The following MPP7 variants were observed in gnomAD, a reference collection of about 807,000 sequenced individuals.
MPP7 encodes MAGUK p55 subfamily member 7.
In MPP7, 60 loss-of-function variants were observed where a neutral mutation model predicts 76.5. The observed-to-expected ratio is 0.78, with a 90% CI of 0.64 to 0.97. The LOEUF (loss-of-function observed/expected upper bound fraction) is 0.97. MPP7 is among the 50% of genes least tolerant of loss of function. MPP7 has a pLI of 0.00. For synonymous variants in MPP7, 237 were observed against 244.5 expected, an observed-to-expected ratio of 0.97 and a Z score of 0.29; for missense variants, 641 against 694.0, an observed-to-expected ratio of 0.92 and a Z score of 0.86.
intron 12 of MPP7, among the ~76,000 whole-genome samples, chr10:28,076,617 G>A (rs1852495183): frequency 6.6e-6 from 1 of 152,136 alleles, no homozygotes; most frequent in South Asian, 2.1e-4. Context: ...GCCAGGCCCA[G>A]TGGCTCACGC....
At chr10:28,196,983 C>G (rs1392572213) in intron 3 of MPP7, among the ~76,000 whole-genome samples, 1 of 152,142 alleles carries the variant, frequency 6.6e-6, no homozygotes, top group Non-Finnish European at 1.5e-5. Context: ...TATTCAAGAA[C>G]AGGTCACTGT....
In MPP7 at chr10:28,052,608, T is replaced by G. The variant is rs1851399205; in HGVS notation, c.*1457A>C. On this transcript the variant is annotated 3_prime_UTR_variant, in exon 17 of 17. Coordinates refer to ENST00000683449, the MANE Select transcript of MPP7 (RefSeq NM_001318170.2). ...GAATGTTGACCATGATTTATAAAACTACTCTTTTAAATTAGGACATCTTGA... is the reference window on the plus strand; with the variant it reads ...GAATGTTGACCATGATTTATAAAACGACTCTTTTAAATTAGGACATCTTGA... 1 of 152,648 alleles carries G rather than the reference T, an allele frequency of 6.6e-6. No homozygotes were observed. The highest frequency in any genetic ancestry group is 6.5e-5 in the Admixed American group (1 of 15,286). 9.5% of individuals were successfully genotyped at this position (152,648 alleles called of 1,614,324 possible).
intron 2 of MPP7, among the ~76,000 whole-genome samples, chr10:28,313,988 G>A (rs1589046929): frequency 6.6e-6 from 1 of 150,986 alleles, no homozygotes; most frequent in African/African-American, 2.4e-5. Flanking sequence ...TTACAGGCAT[G>A]AGCCACTGTG....
intron 3 of MPP7, among the ~76,000 whole-genome samples, chr10:28,186,707 CAGAAATGCGGGTGAT>C (rs1170689965): frequency 6.6e-6 from 1 of 152,156 alleles, no homozygotes; most frequent in Non-Finnish European, 1.5e-5. Flanking sequence ...TAGCACAATC[CAGAAATGCGGGTGAT>C]AAAGGGAGAT....
chr10:28,105,109 G>A (rs541194212), intron 11 of MPP7, among the ~76,000 whole-genome samples: 4 of 130,342 alleles, frequency 3.1e-5, no homozygotes, highest in African/African-American at 1.2e-4. Flanking sequence ...AGCCAAGATC[G>A]CGCCACTGCA....
intron 1 of MPP7, among the ~76,000 whole-genome samples, chr10:28,287,007 A>T (rs545152925): frequency 5.8e-4 from 88 of 152,310 alleles, no homozygotes; most frequent in Non-Finnish European, 1.1e-3. Flanking sequence ...ATTTATGCCA[A>T]CCGTTTGATC....
intron 1 of MPP7, among the ~76,000 whole-genome samples, chr10:28,284,761 A>G (rs1053730016): frequency 3.3e-5 from 5 of 152,234 alleles, no homozygotes; most frequent in Non-Finnish European, 7.3e-5. Flanking sequence ...CACTTACTCT[A>G]TTATGAACCT....
At chr10:28,092,590 T>TTTTTTTTTTTG (rs1564626660) in intron 11 of MPP7, among the ~76,000 whole-genome samples, 3 of 149,524 alleles carry the variant, frequency 2.0e-5, no homozygotes, top group African/African-American at 2.5e-5. Flanking sequence ...TTTTTTTTTT[T>TTTTTTTTTTTG]GAGACAGGGA....
Position 28,089,732 on chromosome 10 carries a change from G to T in MPP7, c.1062C>A (p.Tyr354Ter), listed in dbSNP as rs377567939. 1 of 1,613,592 alleles carries T rather than the reference G, an allele frequency of 6.2e-7. No individual in the cohort carries two copies. Among genetic ancestry groups the T allele is most frequent in the Non-Finnish European group, 8.5e-7 (1 of 1,179,814 alleles). ...GTCGCCGATACGGTGTCACTTCTTC[G>T]TATGTGGGTACGTCAGCTGTGTCGT... ...DQYDTADVPT[Y>*]EEVTPYRRQT... The change falls in exon 12 of 17, where the codon TAC becomes TAA. Residue 354 changes from tyrosine (Y) to a stop codon, truncating the protein, a stop_gained. Transcript: ENST00000683449. LOFTEE classifies it high-confidence loss of function.
intron 2 of MPP7, among the ~76,000 whole-genome samples, chr10:28,316,435 TAAAAAAAAAAAAAAAAAAAA>T (rs549621404): frequency 1.3e-3 from 50 of 37,152 alleles, no homozygotes; most frequent in Middle Eastern, 0.025. Flanking sequence ...ACTCTGTCTT[TAAAAAAAAAAAAAAAAAAAA>T]AAAAAAAAAA....
rs57735759 is a variant in MPP7, at chr10:28,176,340, AAAAACAAAACAAAAC to A, written c.156+25798_156+25812del. 4.9e-3 allele frequency among the ~76,000 whole-genome samples: 740 copies of A among 151,014 alleles called. 8 individuals are homozygous for A. The highest frequency in any genetic ancestry group is 0.018 in the African/African-American group (721 of 40,942). On this transcript the variant is annotated intron_variant, in intron 3 of 16. Transcript: ENST00000683449. ...AATCAAAGCCCAGTGCAGTTGGGTC[AAAAACAAAACAAAAC>A]AAAACAAAACAAAACAAAACACAGG...
intron 11 of MPP7, among the ~76,000 whole-genome samples, chr10:28,100,102 G>T: frequency 7.1e-6 from 1 of 141,538 alleles, no homozygotes; most frequent in African/African-American, 2.7e-5. Flanking sequence ...TTTACTATAA[G>T]TGAACTTCTT....
At chr10:28,072,288 A>G (rs985260377) in intron 12 of MPP7, among the ~76,000 whole-genome samples, 2 of 152,096 alleles carry the variant, frequency 1.3e-5, no homozygotes, top group South Asian at 4.2e-4. Flanking sequence ...ATAAAATAAA[A>G]TAAAGAATAG....
At chr10:28,268,054 C>A (rs1400097216) in intron 1 of MPP7, among the ~76,000 whole-genome samples, 2 of 151,936 alleles carry the variant, frequency 1.3e-5, no homozygotes, top group East Asian at 3.9e-4. Context: ...CAAAAACAAA[C>A]AAACAAACAA....
At chr10:28,299,207 A>G (rs1841097443) in intron 1 of MPP7, among the ~76,000 whole-genome samples, 1 of 151,882 alleles carries the variant, frequency 6.6e-6, no homozygotes, top group African/African-American at 2.4e-5. Flanking sequence ...TTTTGTCATG[A>G]CCTCCTCACT....
At chr10:28,144,977 A>C (rs774324628) in intron 5 of MPP7, among the ~76,000 whole-genome samples, 8 of 152,204 alleles carry the variant, frequency 5.3e-5, no homozygotes, top group Non-Finnish European at 1.0e-4. Flanking sequence ...AAAGTTATAA[A>C]AATTTTCAGA....
At chr10:28,168,897 T>A (rs2133858442) in intron 3 of MPP7, among the ~76,000 whole-genome samples, 2 of 152,264 alleles carry the variant, frequency 1.3e-5, no homozygotes, top group South Asian at 4.1e-4. Context: ...TTGATTTTGG[T>A]TTATGATGTG....
At chr10:28,270,540 GGGGA>G in intron 1 of MPP7, among the ~76,000 whole-genome samples, 2 of 106,710 alleles carry the variant, frequency 1.9e-5, no homozygotes, top group African/African-American at 4.3e-5. Context: ...AAAGGGGGGG[GGGGA>G]GGAGGGGAGC....
intron 2 of MPP7, among the ~76,000 whole-genome samples, chr10:28,308,379 A>C (rs11007003): frequency 0.094 from 14,359 of 152,226 alleles, 1,172 homozygotes; most frequent in East Asian, 0.42. Flanking sequence ...AGTTGCCTTC[A>C]TGGTCTGCCT....
Sources: allele counts gnomAD v4.1 joint callset (sites outside exome capture counted in the v4.1 genomes callset), GRCh38; gene constraint gnomAD v4.1.1; transcripts MANE v1.5; gene names NCBI Gene and HGNC (gene_info 2026-07-23, HGNC 2026-07-21).